ADGRB3: variants seen among roughly 807,000 people sequenced by gnomAD.
ADGRB3 encodes brain-specific angiogenesis inhibitor 3.
A neutral mutation model predicts 193.4 loss-of-function variants in ADGRB3; 37 were observed. The ratio of observed to expected loss-of-function variants is 0.19; its 90% confidence interval spans 0.15 to 0.25. The LOEUF is 0.25. Among genes scored for constraint, ADGRB3 ranks in the 10% least tolerant of loss-of-function variants. The pLI is 1.00. For missense variants in ADGRB3, 1,637 were observed against 1,852.9 expected, an observed-to-expected ratio of 0.88 and a Z score of 2.14; for synonymous variants, 690 against 644.2, an observed-to-expected ratio of 1.07 and a Z score of -1.08.
chr6:68,816,505 A>G (rs1214583823), intron 3 of ADGRB3, among the ~76,000 whole-genome samples: 1 of 151,976 alleles, frequency 6.6e-6, no homozygotes, highest in African/African-American at 2.4e-5. Flanking sequence ...TGGTAGTTTG[A>G]TTTACAAGTT....
At chr6:69,200,814 G>A (rs1417908442) in intron 17 of ADGRB3, among the ~76,000 whole-genome samples, 1 of 151,988 alleles carries the variant, frequency 6.6e-6, no homozygotes, top group East Asian at 1.9e-4. Context: ...TCCCCAAAGT[G>A]GAACTTTTAA....
intron 15 of ADGRB3, 35 bp from the exon 16 acceptor site, chr6:69,062,899 C>T (rs1771789492): frequency 6.8e-7 from 1 of 1,478,572 alleles, no homozygotes; most frequent in East Asian, 2.3e-5. Context: ...TTTCAGCACT[C>T]ATTTCTCCTT....
intron 15 of ADGRB3, among the ~76,000 whole-genome samples, chr6:69,054,363 T>C (rs1373459250): frequency 2.6e-5 from 4 of 152,254 alleles, no homozygotes; most frequent in African/African-American, 9.6e-5. Context: ...AGAAAAATAA[T>C]ATTGGAAATA....
At chr6:69,031,555 C>CTTTCTTTCT (rs1770703394) in intron 13 of ADGRB3, among the ~76,000 whole-genome samples, 1 of 91,492 alleles carries the variant, frequency 1.1e-5, no homozygotes, top group African/African-American at 3.8e-5. Context: ...CTTTCTTTTT[C>CTTTCTTTCT]TTTCTTTCTT....
At chr6:69,106,413 C>A (rs1773218002) in intron 17 of ADGRB3, among the ~76,000 whole-genome samples, 1 of 152,092 alleles carries the variant, frequency 6.6e-6, no homozygotes, top group African/African-American at 2.4e-5. Context: ...TTCTGCACCT[C>A]TATTTTCATT....
At chr6:68,789,700 G>T (rs1481319746) in intron 3 of ADGRB3, among the ~76,000 whole-genome samples, 2 of 152,190 alleles carry the variant, frequency 1.3e-5, no homozygotes, top group Non-Finnish European at 2.9e-5. Flanking sequence ...ATGTTGGCCT[G>T]CCTTGCTAGA....
intron 3 of ADGRB3, among the ~76,000 whole-genome samples, chr6:68,778,016 A>G (rs1263243554): frequency 6.6e-6 from 1 of 152,114 alleles, no homozygotes; most frequent in East Asian, 1.9e-4. Flanking sequence ...AAGTTTCAGT[A>G]TGTAAAAGAC....
chr6:68,988,628 A>T (rs1198933308), intron 10 of ADGRB3, among the ~76,000 whole-genome samples: 3 of 152,142 alleles, frequency 2.0e-5, no homozygotes, highest in African/African-American at 7.2e-5. Context: ...AAATTAACGC[A>T]GGGGGATATC....
intron 17 of ADGRB3, among the ~76,000 whole-genome samples, chr6:69,100,867 AAG>A (rs1773020070): frequency 4.8e-5 from 2 of 42,020 alleles, no homozygotes; most frequent in Non-Finnish European, 5.8e-5. Context: ...GGAAGGAAGG[AAG>A]GAAGAAGGAA....
At chr6:69,210,741 A>G (rs1765646044) in intron 17 of ADGRB3, among the ~76,000 whole-genome samples, 1 of 151,982 alleles carries the variant, frequency 6.6e-6, no homozygotes, top group Non-Finnish European at 1.5e-5. Flanking sequence ...TGGCAAATAA[A>G]TTTCAACATG....
chr6:69,169,776 T>C (rs576207274), intron 17 of ADGRB3, among the ~76,000 whole-genome samples: 1 of 152,228 alleles, frequency 6.6e-6, no homozygotes, highest in South Asian at 2.1e-4. Flanking sequence ...TATTCAACCA[T>C]TTCTAATGTT....
intron 3 of ADGRB3, among the ~76,000 whole-genome samples, chr6:68,750,564 T>C (rs1176511661): frequency 6.6e-6 from 1 of 152,264 alleles, no homozygotes. Flanking sequence ...AATTTTATTT[T>C]TGCCTACAAC....
intron 29 of ADGRB3, among the ~76,000 whole-genome samples, chr6:69,370,605 C>T (rs754316602): frequency 7.2e-5 from 11 of 152,040 alleles, no homozygotes; most frequent in Non-Finnish European, 1.2e-4. Flanking sequence ...ATTGACATAC[C>T]TGCTCTCAGA....
At chr6:68,969,364 A>G (rs950104692) in intron 8 of ADGRB3, among the ~76,000 whole-genome samples, 3 of 152,194 alleles carry the variant, frequency 2.0e-5, no homozygotes, top group Admixed American at 1.3e-4. Context: ...AACCAACCAC[A>G]GATCAAAAAT....
At chr6:69,006,224 A>G (rs1048955211) in intron 11 of ADGRB3, among the ~76,000 whole-genome samples, 2 of 152,136 alleles carry the variant, frequency 1.3e-5, no homozygotes, top group Non-Finnish European at 2.9e-5. Flanking sequence ...TTGAAGCCAT[A>G]CACAGGGAAT....
At chr6:68,883,191 G>T (rs556277883) in intron 3 of ADGRB3, among the ~76,000 whole-genome samples, 1 of 152,174 alleles carries the variant, frequency 6.6e-6, no homozygotes, top group Non-Finnish European at 1.5e-5. Flanking sequence ...AGTGCTCTGT[G>T]TCTAATCTGG....
intron 17 of ADGRB3, among the ~76,000 whole-genome samples, chr6:69,150,030 A>G (rs1226897922): frequency 4.0e-5 from 6 of 151,536 alleles, no homozygotes; most frequent in Middle Eastern, 6.8e-3. Flanking sequence ...GGCCACAACC[A>G]CGGGGACTTC....
At chr6:69,119,958 A>G (rs552056258) in intron 17 of ADGRB3, among the ~76,000 whole-genome samples, 2 of 152,324 alleles carry the variant, frequency 1.3e-5, no homozygotes, top group Non-Finnish European at 2.9e-5. Context: ...AGTGAGCCAG[A>G]TGAGAGATGA....
At chr6:68,872,038 TAA>T (rs1378360863) in intron 3 of ADGRB3, among the ~76,000 whole-genome samples, 4 of 133,814 alleles carry the variant, frequency 3.0e-5, no homozygotes, top group Non-Finnish European at 6.7e-5. Flanking sequence ...TTTTTGTGAT[TAA>T]GTTATAAATT....
Sources: allele counts gnomAD v4.1 joint callset (sites outside exome capture counted in the v4.1 genomes callset), GRCh38; gene constraint gnomAD v4.1.1; transcripts MANE v1.5; gene names NCBI Gene and HGNC (gene_info 2026-07-23, HGNC 2026-07-21).